PTPRN2: variants seen among roughly 807,000 people sequenced by gnomAD.
PTPRN2 encodes the protein receptor-type tyrosine-protein phosphatase N2.
PTPRN2 carries 74 observed loss-of-function variants against 118.8 expected under a neutral mutation model. The observed-to-expected ratio is 0.62, with a 90% confidence interval of 0.52 to 0.76. The LOEUF is 0.76. Among genes scored for constraint, PTPRN2 ranks in the 30% least tolerant of loss-of-function variants. PTPRN2 has a pLI of 0.00. For missense variants in PTPRN2, 1,481 were observed against 1,394.4 expected, an observed-to-expected ratio of 1.06 and a Z score of -0.99; for synonymous variants, 641 against 608.0, an observed-to-expected ratio of 1.05 and a Z score of -0.80.
At chr7:158,217,881 G>GAATAA (rs1291340724) in intron 3 of PTPRN2, among the ~76,000 whole-genome samples, 7 of 152,006 alleles carry the variant, frequency 4.6e-5, no homozygotes, top group African/African-American at 1.7e-4. Context: ...AACACAGGCA[G>GAATAA]ACAAAAATAA....
intron 12 of PTPRN2, among the ~76,000 whole-genome samples, chr7:157,783,994 A>G (rs1321525277): frequency 6.6e-6 from 1 of 152,154 alleles, no homozygotes; most frequent in Non-Finnish European, 1.5e-5. Flanking sequence ...ACAGGAGTAA[A>G]TTCAGGATGA....
Position 157,587,257 on chromosome 7 carries a change from GACAGGCAGACAA to G in PTPRN2, c.2496+7969_2496+7980del, listed in dbSNP as rs1275746658. Among the ~76,000 whole-genome samples, 6 of 143,002 alleles carry G rather than the reference GACAGGCAGACAA, an allele frequency of 4.2e-5. No homozygotes were observed. Among genetic ancestry groups the G allele is most frequent in the South Asian group, 2.2e-4 (1 of 4,636 alleles). 93.8% of individuals were successfully genotyped at this position (143,002 alleles called of 152,430 possible). A position where few individuals can be genotyped will look rare whatever the true frequency, so the allele number is the denominator to read the frequency against. ...AGGCAGACAGCGAGACAGGCAGACA[GACAGGCAGACAA>G]ACAGGCAGACAGGCAGACGAGCCAC... On this transcript the variant is annotated intron_variant, in intron 17 of 22. Coordinates refer to ENST00000389418, the MANE Select transcript of PTPRN2 (RefSeq NM_002847.5). This position sits in a 1 kb window ranked among gnomAD's most constrained non-coding sequence, Gnocchi z 5.3.
chr7:158,325,078 G>A (rs1803379419), intron 2 of PTPRN2, among the ~76,000 whole-genome samples: 1 of 151,984 alleles, frequency 6.6e-6, no homozygotes, highest in Non-Finnish European at 1.5e-5. Flanking sequence ...GATCCACAGG[G>A]GGTCCCCCAG....
At chr7:158,585,987 G>T (rs117847957) in intron 1 of PTPRN2, among the ~76,000 whole-genome samples, 1 of 152,350 alleles carries the variant, frequency 6.6e-6, no homozygotes, top group Non-Finnish European at 1.5e-5. Flanking sequence ...CCAGGAGGAG[G>T]CAGAGTGAGC....
In PTPRN2 at chr7:157,676,061, G is replaced by A. The variant is rs550610048; in HGVS notation, c.2001+6664C>T. On this transcript the variant is annotated intron_variant, in intron 13 of 22. Transcript: ENST00000389418. The surrounding 1 kb of genome is among the most constrained non-coding windows in gnomAD (Gnocchi z 5.6). ...CGAGCCATGGACCGTCCCTTGGAGC[G>A]CCACAGACTGCAGGGTTTGTCCTTG... Among the ~76,000 whole-genome samples the A allele has an allele frequency of 7.6e-4, 115 of 152,124 alleles. 1 individual carries two copies. Among genetic ancestry groups the A allele is most frequent in the Non-Finnish European group, 3.8e-4 (26 of 67,982 alleles).
intron 2 of PTPRN2, among the ~76,000 whole-genome samples, chr7:158,349,766 C>G (rs1225963138): frequency 8.9e-6 from 1 of 112,870 alleles, no homozygotes; most frequent in East Asian, 2.7e-4. Flanking sequence ...CTGAGGGTGG[C>G]CCACGTCACT....
intron 3 of PTPRN2, among the ~76,000 whole-genome samples, chr7:158,227,799 A>G (rs1332912631): frequency 2.0e-5 from 3 of 152,198 alleles, no homozygotes; most frequent in Admixed American, 6.5e-5. Context: ...ACGTGAAGTC[A>G]ATTAAAGGGA....
At chr7:158,364,741 T>TATAGCCGGGGCTCCTCC (rs1399240677) in intron 2 of PTPRN2, among the ~76,000 whole-genome samples, 40 of 152,296 alleles carry the variant, frequency 2.6e-4, no homozygotes, top group Middle Eastern at 3.4e-3. Context: ...GGGCATCGTC[T>TATAGCCGGGGCTCCTCC]ATAGCCGGGG....
At chr7:158,433,115 A>T (rs1816343772) in intron 2 of PTPRN2, among the ~76,000 whole-genome samples, 1 of 152,242 alleles carries the variant, frequency 6.6e-6, no homozygotes. Flanking sequence ...GTGGCTCTGT[A>T]CAACAGTAGC....
chr7:157,895,001 TAAGC>T (rs1162458014), intron 12 of PTPRN2, among the ~76,000 whole-genome samples: 1 of 150,900 alleles, frequency 6.6e-6, no homozygotes, highest in Non-Finnish European at 1.5e-5. Flanking sequence ...CTGCTGAGGG[TAAGC>T]TCACAATTCT....
chr7:157,713,007 C>T (rs1315958428), intron 12 of PTPRN2, among the ~76,000 whole-genome samples: 6 of 152,264 alleles, frequency 3.9e-5, no homozygotes, highest in East Asian at 1.9e-4. Flanking sequence ...TTGGTGAGGG[C>T]GGCCTCGGGC....
intron 2 of PTPRN2, among the ~76,000 whole-genome samples, chr7:158,487,857 T>C (rs1347630052): frequency 6.8e-6 from 1 of 146,878 alleles, no homozygotes; most frequent in Non-Finnish European, 1.5e-5. Context: ...AGACCTTCAG[T>C]GCATCATAAA....
chr7:158,387,527 G>C (rs1811536698), intron 2 of PTPRN2, among the ~76,000 whole-genome samples: 1 of 152,304 alleles, frequency 6.6e-6, no homozygotes, highest in Non-Finnish European at 1.5e-5. Context: ...AGCACTCTCT[G>C]GGTCCTGGGG....
At chr7:157,677,890 G>C (rs1298208516) in intron 13 of PTPRN2, among the ~76,000 whole-genome samples, 2 of 152,174 alleles carry the variant, frequency 1.3e-5, no homozygotes, top group Non-Finnish European at 2.9e-5. Context: ...TGGAGTATGG[G>C]AGGAGGGAGG....
At chr7:158,407,684 G>A (rs1476445194) in intron 2 of PTPRN2, among the ~76,000 whole-genome samples, 3 of 138,914 alleles carry the variant, frequency 2.2e-5, no homozygotes, top group African/African-American at 7.9e-5. Flanking sequence ...TGGGTCCTGG[G>A]TCCTGGGTCC....
chr7:158,331,020 T>C (rs201360258), intron 2 of PTPRN2, among the ~76,000 whole-genome samples: 4,599 of 15,262 alleles, frequency 0.3, 121 homozygotes, highest in Middle Eastern at 0.46. Context: ...GTCACTCACA[T>C]CCACACTCTC....
chr7:157,656,632 G>A (rs1806116589), intron 13 of PTPRN2, 81 bp from the exon 14 acceptor site: 2 of 1,304,434 alleles, frequency 1.5e-6, no homozygotes, highest in Non-Finnish European at 1.0e-6. Flanking sequence ...CACCCACGTG[G>A]CACAACCCCT....
chr7:157,983,254 C>A (rs1803443279), intron 11 of PTPRN2, among the ~76,000 whole-genome samples: 1 of 44,348 alleles, frequency 2.3e-5, no homozygotes, highest in Non-Finnish European at 4.3e-5. Context: ...CCCCCCCAAA[C>A]CCCGAGTCAC....
At chr7:157,772,443 C>G (rs145700913) in intron 12 of PTPRN2, among the ~76,000 whole-genome samples, 8 of 152,164 alleles carry the variant, frequency 5.3e-5, no homozygotes, top group Non-Finnish European at 8.8e-5. Context: ...AGCCCTGGCC[C>G]GCAGACCATG....
Sources: gnomAD v4.1 joint callset for allele counts (sites outside exome capture counted in the v4.1 genomes callset) on GRCh38, gnomAD v4.1.1 for gene constraint, Gnocchi (gnomAD v3.1) non-coding constraint, MANE v1.5 for transcripts, NCBI Gene and HGNC (gene_info 2026-07-23, HGNC 2026-07-21) for gene names.